Variants in COL6A3 observed in about 807,000 individuals in gnomAD.
COL6A3 encodes the protein collagen type VI alpha 3 chain, also known as collagen alpha-3(VI) chain.
In COL6A3, 137 loss-of-function variants were observed where a neutral mutation model predicts 274.1. The ratio of observed to expected loss-of-function variants is 0.50; its 90% confidence interval spans 0.44 to 0.58. COL6A3 has a LOEUF of 0.58. Among genes scored for constraint, COL6A3 ranks in the 20% least tolerant of loss-of-function variants. The pLI, the probability that COL6A3 is intolerant of heterozygous loss-of-function variation, is 0.00. For missense variants in COL6A3, 3,950 were observed against 4,124.9 expected (o/e 0.96, Z 1.16); for synonymous variants, 1,650 against 1,650.6 (o/e 1.00, Z 0.01).
Position 237,394,677 on chromosome 2 carries a change from G to T in COL6A3, c.619C>A (p.His207Asn), listed in dbSNP as rs749985039. The change falls in exon 3 of 44, where the codon CAT becomes AAT. Residue 207 changes from histidine to asparagine, a missense_variant. Transcript: ENST00000295550. ...MFNLENFTSL[H>N]DIVGNLVSCV... ...GACACTAAGTTTCCTACTATGTCATGAAGTGAGGTAAAATTCTCTAGGTTG... is the reference window on the plus strand; with the variant it reads ...GACACTAAGTTTCCTACTATGTCATTAAGTGAGGTAAAATTCTCTAGGTTG... 1.2e-6 allele frequency: 2 copies of T among 1,614,234 alleles called. No homozygotes were observed. The highest frequency in any genetic ancestry group is 1.7e-6 in the Non-Finnish European group (2 of 1,180,040).
At chr2:237,350,336 A>G in intron 27 of COL6A3, 127 bp from the exon 28 acceptor site, 1 of 821,310 alleles carries the variant, frequency 1.2e-6, no homozygotes. Context: ...ATTTCGGTGG[A>G]ATGATTTTCT....
intron 16 of COL6A3, among the ~76,000 whole-genome samples, chr2:237,360,561 C>T (rs1356491738): frequency 6.6e-6 from 1 of 152,152 alleles, no homozygotes; most frequent in Non-Finnish European, 1.5e-5. Flanking sequence ...CACACTGTTC[C>T]TCGTGAGCCC....
At position 237,361,898 on chromosome 2, in the gene COL6A3, G is replaced by C; in HGVS notation, c.6064-67C>G. 7.1e-7 allele frequency: 1 copy of C among 1,401,866 alleles called. No individual in the cohort carries two copies. The allele number at this position is 1,401,866 out of a possible 1,614,324, so 86.8% of individuals were successfully genotyped here. A position where few individuals can be genotyped will look rare whatever the true frequency, so the allele number is the denominator to read the frequency against. ...ATGCCCAGCAGAAAATCATAAATGC[G>C]CTTTAAGGGTCAAAATCGGATGTGT... On this transcript the variant is annotated intron_variant, in intron 14 of 43. Coordinates refer to ENST00000295550, the MANE Select transcript of COL6A3 (RefSeq NM_004369.4). The surrounding 1 kb of genome is among the most constrained non-coding windows in gnomAD (Gnocchi z 5.1).
chr2:237,388,587 AC>A (rs937292688), intron 3 of COL6A3, among the ~76,000 whole-genome samples: 16 of 152,144 alleles, frequency 1.1e-4, no homozygotes, highest in African/African-American at 3.9e-4. Context: ...GGTTACCAAA[AC>A]TTTAGAGATG....
At position 237,372,193 on chromosome 2, in the gene COL6A3, T is replaced by G; in HGVS notation, c.3824A>C (p.Gln1275Pro). The part of the protein sequence containing the change: ...GFDTTRVAVI[Q>P]FSDDPKVEFL... ...CTCCACCTTGGGGTCATCGCTGAAC[T>G]GGATGACAGCCACCCGGGTGGTGTC... Residue 1275 changes from glutamine (Q) to proline (P), a missense_variant, in exon 9 of 44, where the codon CAG becomes CCG. Transcript: ENST00000295550. The G allele has an allele frequency of 6.2e-7, 1 of 1,614,154 alleles. No individual in the cohort carries two copies. The highest frequency in any genetic ancestry group is 1.1e-5 in the South Asian group (1 of 91,076).
chr2:237,369,998 G>C (rs904612555), intron 9 of COL6A3, among the ~76,000 whole-genome samples: 5 of 151,242 alleles, frequency 3.3e-5, no homozygotes, highest in Admixed American at 1.3e-4. Flanking sequence ...CACCATGCCT[G>C]TGCCTTTATT....
Position 237,336,393 on chromosome 2 carries a change from G to C in COL6A3, c.8707C>G (p.Pro2903Ala), listed in dbSNP as rs1700548928. ...TTKPVTIINQ[P>A]SVKPAAAKPA... ...TTTGCAGCGGCTGGCTTCACAGATG[G>C]CTGATTTATAATAGTCACAGGCTTT... Residue 2903 changes from proline to alanine, a missense_variant, in exon 40 of 44, where the codon CCA (proline) becomes GCA (alanine). Physicochemically the swap from Pro to Ala is conservative, Grantham distance 27. Coordinates refer to ENST00000295550, the MANE Select transcript of COL6A3 (RefSeq NM_004369.4). 6.2e-7 allele frequency: 1 copy of C among 1,614,238 alleles called. No homozygotes were observed. Among genetic ancestry groups the C allele is most frequent in the Non-Finnish European group, 8.5e-7 (1 of 1,180,052 alleles).
At position 237,334,888 on chromosome 2, in the gene COL6A3, A is replaced by C. The variant is rs1700453278; in HGVS notation, c.8967T>G (p.Val2989=). The C allele has an allele frequency of 1.9e-6, 3 of 1,614,042 alleles. No homozygotes were observed. The highest frequency in any genetic ancestry group is 2.5e-6 in the Non-Finnish European group (3 of 1,180,036). The part of the protein sequence containing the change: ...ATKPATTKPM[V]KMSREVQVFE... ...ACACCTGGACTTCACGGGACATCTT[A>C]ACTGAAAGATAGATCAGAGCGTGAA... Residue 2989 remains valine (V), a splice_region_variant and synonymous_variant, in exon 41 of 44, where the codon GTT becomes GTG. Transcript: ENST00000295550.
chr2:237,358,413 A>T, intron 21 of COL6A3, 108 bp downstream of exon 21: 4 of 933,070 alleles, frequency 4.3e-6, no homozygotes, highest in Non-Finnish European at 7.0e-6. Flanking sequence ...TATTTTATCA[A>T]CGTGTTTTAA....
chr2:237,375,399 G>A (rs897714844), intron 7 of COL6A3, among the ~76,000 whole-genome samples: 2 of 152,334 alleles, frequency 1.3e-5, no homozygotes, highest in African/African-American at 4.8e-5. Context: ...AAGGTGAGCA[G>A]ATGAAGAATC....
intron 42 of COL6A3, among the ~76,000 whole-genome samples, chr2:237,330,798 C>A (rs1566153): frequency 6.6e-6 from 1 of 151,986 alleles, no homozygotes; most frequent in Admixed American, 6.6e-5. Flanking sequence ...CATATGCAAA[C>A]GAAAACCAAT....
intron 9 of COL6A3, among the ~76,000 whole-genome samples, chr2:237,370,784 A>G (rs1387933754): frequency 5.3e-5 from 8 of 152,178 alleles, no homozygotes; most frequent in Non-Finnish European, 1.2e-4. Flanking sequence ...CAGCCCCCGC[A>G]TTGGGGAGCT....
At chr2:237,387,391 G>A (rs1047280764) in intron 4 of COL6A3, among the ~76,000 whole-genome samples, 191 bp downstream of exon 4, 7 of 152,170 alleles carry the variant, frequency 4.6e-5, no homozygotes, top group Non-Finnish European at 1.0e-4. Flanking sequence ...CTCACTCATT[G>A]GTCTTTAGTT....
At chr2:237,353,311 G>A in intron 25 of COL6A3, 30 bp downstream of exon 25, 1 of 1,604,170 alleles carries the variant, frequency 6.2e-7, no homozygotes, top group Non-Finnish European at 8.5e-7. Context: ...AAATATCAGA[G>A]GGCACACAGT....
intron 5 of COL6A3, 32 bp downstream of exon 5, chr2:237,380,883 C>G (rs942820488): frequency 3.1e-6 from 5 of 1,600,666 alleles, no homozygotes; most frequent in Non-Finnish European, 4.3e-6. Flanking sequence ...GGAGACCACC[C>G]CATTGTGTGT....
At position 237,368,590 on chromosome 2, in the gene COL6A3, C is replaced by A. The variant is rs398124121; in HGVS notation, c.4873G>T (p.Val1625Leu). The A allele has an allele frequency of 6.2e-7, 1 of 1,614,072 alleles. No homozygotes were observed. The highest frequency in any genetic ancestry group is 1.7e-5 in the Admixed American group (1 of 60,008). Residue 1625 changes from valine (V) to leucine (L), a missense_variant, in exon 10 of 44, where the codon GTG becomes TTG. Val to Leu is a conservative substitution (Grantham distance 32). This residue lies in a region of COL6A3 where 632 missense variants were observed against 623.4 expected (regional missense o/e 1.01). Transcript: ENST00000295550. The surrounding 1 kb of genome is among the most constrained non-coding windows in gnomAD (Gnocchi z 4.4). The part of the protein sequence containing the change: ...PSAATPAPPG[V>L]DTPPPSRPEK... ...GGCCGTGAAGGAGGAGGGGTGTCCA[C>A]CCCTGGAGGTGCAGGAGTGGCTGCG...
chr2:237,345,290 T>C (rs2077075549), intron 32 of COL6A3, 77 bp from the exon 33 acceptor site: 9 of 1,444,660 alleles, frequency 6.2e-6, no homozygotes, highest in Non-Finnish European at 8.8e-6. Context: ...CCCCCAGAAA[T>C]ACACAGAGCA....
At chr2:237,376,394 T>G (rs1190229882) in intron 7 of COL6A3, among the ~76,000 whole-genome samples, 3 of 152,224 alleles carry the variant, frequency 2.0e-5, no homozygotes, top group African/African-American at 4.8e-5. Context: ...AGGCATTGGG[T>G]GAATATGAAG....
At chr2:237,405,204 A>C (rs1320192096) in intron 1 of COL6A3, among the ~76,000 whole-genome samples, 2 of 152,032 alleles carry the variant, frequency 1.3e-5, no homozygotes, top group Non-Finnish European at 2.9e-5. Flanking sequence ...GGTGGGAAAA[A>C]CGCCTTTGGC....
Sources: allele counts gnomAD v4.1 joint callset (sites outside exome capture counted in the v4.1 genomes callset), GRCh38; gene constraint gnomAD v4.1.1; regional missense constraint gnomAD v4.1.1; non-coding constraint Gnocchi (gnomAD v3.1); transcripts MANE v1.5; gene names NCBI Gene and HGNC (gene_info 2026-07-23, HGNC 2026-07-21).